RHNO1: variants seen among roughly 807,000 people sequenced by gnomAD.
The protein encoded by RHNO1 is RAD9-HUS1-RAD1 interacting nuclear orphan 1.
In RHNO1, 9 loss-of-function variants were observed where a neutral mutation model predicts 7.2. The observed-to-expected ratio is 1.25, with a 90% CI of 0.75 to 2.18. The LOEUF (loss-of-function observed/expected upper bound fraction) is 2.18. RHNO1 is among the 30% of genes most tolerant of loss of function. RHNO1 has a pLI of 0.00. For missense variants in RHNO1, 292 were observed against 284.5 expected, an observed-to-expected ratio of 1.03 and a Z score of -0.19; for synonymous variants, 95 against 107.5, an observed-to-expected ratio of 0.88 and a Z score of 0.72.
chr12:2,886,574 T>C (rs2098165760), intron 2 of RHNO1, among the ~76,000 whole-genome samples: 1 of 151,306 alleles, frequency 6.6e-6, no homozygotes, highest in Non-Finnish European at 1.5e-5. Context: ...GGCAGATCTC[T>C]TGAACCGGGA....
intron 1 of RHNO1, among the ~76,000 whole-genome samples, chr12:2,883,505 ATATATATTTT>A (rs1245001747): frequency 4.1e-4 from 13 of 31,884 alleles, no homozygotes; most frequent in South Asian, 3.0e-3. Flanking sequence ...ATATATATAT[ATATATATTTT>A]TTTTTTTTTT....
intron 1 of RHNO1, among the ~76,000 whole-genome samples, chr12:2,881,567 G>T (rs909245791): frequency 1.3e-5 from 2 of 151,980 alleles, no homozygotes; most frequent in Non-Finnish European, 2.9e-5. Flanking sequence ...TGAACAAATG[G>T]ATATATATAT....
At chr12:2,885,709 G>A (rs1005826895) in intron 2 of RHNO1, 175 bp downstream of exon 2, 1 of 529,664 alleles carries the variant, frequency 1.9e-6, no homozygotes, top group African/African-American at 2.0e-5. Flanking sequence ...CGAGGAGCTG[G>A]AACTACAGGC....
At chr12:2,877,885 A>G (rs979385645) in intron 1 of RHNO1, 2 of 152,310 alleles carry the variant, frequency 1.3e-5, no homozygotes, top group African/African-American at 4.8e-5. Context: ...ATTTTAATCA[A>G]ATAAACAAAT....
intron 1 of RHNO1, among the ~76,000 whole-genome samples, chr12:2,880,386 G>A (rs2153944400): frequency 6.6e-6 from 1 of 152,062 alleles, no homozygotes; most frequent in Non-Finnish European, 1.5e-5. Flanking sequence ...GGAGGCCGAG[G>A]TGGGCAGATC....
intron 1 of RHNO1, among the ~76,000 whole-genome samples, chr12:2,883,501 ATATATATATATT>A (rs1178424184): frequency 1.9e-4 from 6 of 31,228 alleles, no homozygotes; most frequent in South Asian, 1.7e-3. Context: ...ATATATATAT[ATATATATATATT>A]TTTTTTTTTT....
chr12:2,878,114 G>A (rs4766003), intron 1 of RHNO1: 67,203 of 152,132 alleles, frequency 0.44, 15,763 homozygotes, highest in East Asian at 0.64. Context: ...GGAGGCTATG[G>A]TAAGCCATGA....
In RHNO1 at chr12:2,885,446, AACACAGCTGTGCATCT is replaced by A. The variant is rs771295789; in HGVS notation, c.89_104del (p.Cys30PhefsTer60). 11 of 1,613,668 alleles carry A rather than the reference AACACAGCTGTGCATCT, an allele frequency of 6.8e-6. No individual in the cohort carries two copies. Among genetic ancestry groups the A allele is most frequent in the Non-Finnish European group, 9.3e-6 (11 of 1,179,906 alleles). ...CACCAACAACCACTGGAGGGCCCCA[AACACAGCTGTGCATCT>A]ACACAGCTTCCCATCACTCACACTC... On this transcript the variant is annotated frameshift_variant, in exon 2 of 3. Coordinates refer to ENST00000489288, the MANE Select transcript of RHNO1 (RefSeq NM_001252499.3). LOFTEE classifies it high-confidence loss of function.
chr12:2,883,512 T>TATATATATACATA (rs1491305927), intron 1 of RHNO1, among the ~76,000 whole-genome samples: 1 of 22,294 alleles, frequency 4.5e-5, no homozygotes, highest in Admixed American at 6.7e-4. Context: ...TATATATATA[T>TATATATATACATA]TTTTTTTTTT....
Position 2,888,523 on chromosome 12 carries a change from C to T in RHNO1, c.*64C>T, listed in dbSNP as rs916250743. ...CTGGAGTCATAAAGGAATTCAATTC[C>T]TAGGGTTTTTGTTTTTGTTTTTGAG... is the stretch of plus-strand genomic sequence containing the variant. On this transcript the variant is annotated 3_prime_UTR_variant, in exon 3 of 3. Coordinates refer to ENST00000489288, the MANE Select transcript of RHNO1 (RefSeq NM_001252499.3). The T allele has an allele frequency of 1.4e-6, 2 of 1,429,390 alleles. No individual in the cohort carries two copies. The highest frequency in any genetic ancestry group is 1.9e-6 in the Non-Finnish European group (2 of 1,074,064). The allele number at this position is 1,429,390 out of a possible 1,614,324, so 88.5% of individuals were successfully genotyped here.
chr12:2,885,241 C>A, intron 1 of RHNO1, 42 bp from the exon 2 acceptor site: 1 of 831,508 alleles, frequency 1.2e-6, no homozygotes, highest in South Asian at 1.8e-5. Context: ...ACTGGGGAAT[C>A]ATCTGAATTA....
At chr12:2,882,497 G>A (rs2098159163) in intron 1 of RHNO1, among the ~76,000 whole-genome samples, 1 of 151,738 alleles carries the variant, frequency 6.6e-6, no homozygotes, top group African/African-American at 2.4e-5. Context: ...TCTCAACTGA[G>A]TTCAAGACCA....
chr12:2,877,448 T>TG (rs2098148386), intron 1 of RHNO1, among the ~76,000 whole-genome samples, 166 bp downstream of exon 1: 1 of 152,178 alleles, frequency 6.6e-6, no homozygotes, highest in Non-Finnish European at 1.5e-5. Flanking sequence ...CCTGCCGCGC[T>TG]GGTCACGCCA....
chr12:2,888,399 G>T lies in RHNO1; in HGVS notation c.657G>T (p.Leu219=). 6.2e-7 allele frequency: 1 copy of T among 1,612,094 alleles called. No homozygotes were observed. Among genetic ancestry groups the T allele is most frequent in the East Asian group, 2.2e-5 (1 of 44,886 alleles). Residue 219 remains leucine, a synonymous_variant, in exon 3 of 3, where the codon CTG becomes CTT. Transcript: ENST00000489288. The part of the protein sequence containing the change: ...IKVTWRRRQH[L]LAYLRERGKL... ...TCACATGGAGGAGACGACAGCACCT[G>T]CTTGCTTACCTCAGGGAGAGAGGGA...
intron 2 of RHNO1, among the ~76,000 whole-genome samples, chr12:2,887,650 G>C (rs761858728): frequency 7.2e-5 from 11 of 152,034 alleles, no homozygotes; most frequent in Non-Finnish European, 1.6e-4. Flanking sequence ...TCCATCCCAG[G>C]GGGAAGAAAA....
chr12:2,881,381 G>A (rs1458634190), intron 1 of RHNO1, among the ~76,000 whole-genome samples: 1 of 151,938 alleles, frequency 6.6e-6, no homozygotes, highest in East Asian at 1.9e-4. Context: ...GGTATTAAGG[G>A]CATGAGCCAC....
intron 1 of RHNO1, among the ~76,000 whole-genome samples, chr12:2,884,788 T>A (rs2153945572): frequency 6.6e-6 from 1 of 152,296 alleles, no homozygotes; most frequent in Non-Finnish European, 1.5e-5. Context: ...CAATACTCCG[T>A]CTCGTCTCCA....
chr12:2,884,809 T>G (rs1474463432), intron 1 of RHNO1, among the ~76,000 whole-genome samples: 1 of 152,104 alleles, frequency 6.6e-6, no homozygotes, highest in Non-Finnish European at 1.5e-5. Flanking sequence ...TGCCTTTGTG[T>G]ACACTGTTCC....
At chr12:2,885,738 C>G (rs141404922) in intron 2 of RHNO1, 1 of 450,154 alleles carries the variant, frequency 2.2e-6, no homozygotes, top group South Asian at 3.0e-5. Context: ...CCACGCCCGG[C>G]TAATTTTTTT....
Sources: gnomAD v4.1 joint callset for allele counts (sites outside exome capture counted in the v4.1 genomes callset) on GRCh38, gnomAD v4.1.1 for gene constraint, MANE v1.5 for transcripts, NCBI Gene and HGNC (gene_info 2026-07-23, HGNC 2026-07-21) for gene names.